The following ITGA6 variants were observed in gnomAD, a reference collection of about 807,000 sequenced individuals.
The protein encoded by ITGA6 is integrin subunit alpha 6.
A neutral mutation model predicts 133.6 loss-of-function variants in ITGA6; 63 were observed. The observed-to-expected ratio is 0.47, with a 90% confidence interval of 0.38 to 0.58. ITGA6 has a LOEUF of 0.58. Ranked by LOEUF, ITGA6 falls within the 20% of genes least tolerant of loss-of-function variation. The pLI, the probability that ITGA6 is intolerant of heterozygous loss-of-function variation, is 0.00. For missense variants in ITGA6, 1,068 were observed against 1,309.4 expected, an observed-to-expected ratio of 0.82 and a Z score of 2.85; for synonymous variants, 434 against 482.0, an observed-to-expected ratio of 0.90 and a Z score of 1.30.
chr2:172,465,781 C>A, intron 2 of ITGA6, 118 bp downstream of exon 2: 1 of 1,331,402 alleles, frequency 7.5e-7, no homozygotes, highest in Non-Finnish European at 1.1e-6. Flanking sequence ...TTAATTGCAT[C>A]AGACTTGACT....
At chr2:172,473,975 G>A (rs982234806) in intron 5 of ITGA6, 80 bp from the exon 6 acceptor site, 5 of 926,334 alleles carry the variant, frequency 5.4e-6, no homozygotes, top group African/African-American at 1.6e-5. Flanking sequence ...CAGAGGAAGA[G>A]GTAATGATGG....
At chr2:172,482,644 G>A (rs548885652) in intron 11 of ITGA6, among the ~76,000 whole-genome samples, 36 of 143,546 alleles carry the variant, frequency 2.5e-4, no homozygotes, top group African/African-American at 9.1e-4. Flanking sequence ...TGCTGTGAGG[G>A]GCACTCAGCG....
chr2:172,431,164 C>T (rs1217541846), intron 1 of ITGA6, among the ~76,000 whole-genome samples: 1 of 152,182 alleles, frequency 6.6e-6, no homozygotes, highest in Non-Finnish European at 1.5e-5. Flanking sequence ...TGACTTTTCT[C>T]AGACTTGTCA....
intron 24 of ITGA6, among the ~76,000 whole-genome samples, chr2:172,499,039 A>G (rs1687243228): frequency 6.6e-6 from 1 of 152,234 alleles, no homozygotes; most frequent in African/African-American, 2.4e-5. Flanking sequence ...TCCGGTCTGG[A>G]GGGTTCTGTA....
rs1231649938 is a variant in ITGA6 at position 172,474,173 on chromosome 2, T to C, written c.894T>C (p.Ser298=). 6 of 1,614,158 alleles carry C rather than the reference T, an allele frequency of 3.7e-6. No individual in the cohort carries two copies. Among genetic ancestry groups the C allele is most frequent in the Non-Finnish European group, 5.1e-6 (6 of 1,180,028 alleles). Residue 298 remains serine (S), a synonymous_variant, in exon 6 of 26, where the codon TCT becomes TCC. Transcript: ENST00000684293. ...AVVLLKRDMK[S]AHLLPEHIFD... ...TTTTGCTGAAGAGAGACATGAAGTCTGCACATCTCCTCCCTGAGCACATAT... is the reference window on the plus strand; with the variant it reads ...TTTTGCTGAAGAGAGACATGAAGTCCGCACATCTCCTCCCTGAGCACATAT...
At chr2:172,427,480 G>C (rs932446844), upstream of ITGA6, 6 of 1,081,216 alleles carry the variant, frequency 5.5e-6, no homozygotes, top group Non-Finnish European at 5.6e-6. Flanking sequence ...GGTAAGGTGC[G>C]GGCGGTGCGC....
At position 172,484,920 on chromosome 2, in the gene ITGA6, T is replaced by C. The variant is rs1420030612; in HGVS notation, c.1688T>C (p.Met563Thr). Residue 563 changes from methionine (M) to threonine (T), a missense_variant, in exon 12 of 26, where the codon ATG becomes ACG. This residue lies in a region of ITGA6 where 609 missense variants were observed against 707.2 expected (regional missense o/e 0.86). Coordinates refer to ENST00000684293, the MANE Select transcript of ITGA6 (RefSeq NM_000210.4). ...TLKRQKQKVC[M>T]EETLWLQDNI... The stretch of plus-strand genomic sequence containing the variant: ...AAGAGGCAGAAACAGAAAGTGTGCA[T>C]GGAGGAAACCCTGTGGCTACAGGTG... The C allele has an allele frequency of 4.3e-6, 7 of 1,614,032 alleles. No homozygotes were observed. The highest frequency in any genetic ancestry group is 3.3e-5 in the Admixed American group (2 of 59,998).
intron 5 of ITGA6, among the ~76,000 whole-genome samples, chr2:172,472,119 C>G (rs1327830109): frequency 6.6e-6 from 1 of 152,188 alleles, no homozygotes; most frequent in African/African-American, 2.4e-5. Context: ...GCCAGGAGTT[C>G]AAGACCAGCC....
intron 4 of ITGA6, among the ~76,000 whole-genome samples, chr2:172,469,810 T>C (rs896666845): frequency 3.9e-5 from 6 of 152,208 alleles, no homozygotes; most frequent in Non-Finnish European, 7.3e-5. Flanking sequence ...CATTTCTCTC[T>C]GTATATGTTA....
chr2:172,444,823 C>G (rs1044679488), intron 1 of ITGA6, among the ~76,000 whole-genome samples: 3 of 151,386 alleles, frequency 2.0e-5, no homozygotes, highest in Admixed American at 2.0e-4. Context: ...TGGATTGTAG[C>G]TCCCGTGCTA....
intron 1 of ITGA6, among the ~76,000 whole-genome samples, chr2:172,448,000 T>C (rs1048322542): frequency 1.1e-4 from 17 of 152,124 alleles, no homozygotes; most frequent in African/African-American, 3.6e-4. Flanking sequence ...AGTCTGGACT[T>C]AACTGAGTCA....
rs889352102 is a variant in ITGA6 at position 172,472,959 on chromosome 2, T to C, written c.776-1096T>C. The C allele has an allele frequency of 3.2e-6, 3 of 927,024 alleles. No homozygotes were observed. In the South Asian group the frequency reaches 4.0e-5, roughly 12 times the overall value. 57.4% of individuals were successfully genotyped at this position (927,024 alleles called of 1,614,324 possible). A position where few individuals can be genotyped will look rare whatever the true frequency, so the allele number is the denominator to read the frequency against. ...TCATTAAATTTTTTTTTTTGATCCA[T>C]ACAGAGCATAAATCTTTTTATGCCC... On this transcript the variant is annotated intron_variant, in intron 5 of 25. Coordinates refer to ENST00000684293, the MANE Select transcript of ITGA6 (RefSeq NM_000210.4).
intron 1 of ITGA6, among the ~76,000 whole-genome samples, chr2:172,443,164 T>G (rs1684612082): frequency 6.6e-6 from 1 of 152,076 alleles, no homozygotes. Context: ...TGTACATAGA[T>G]TTTTTTTACC....
chr2:172,489,499 T>C lies in ITGA6; in HGVS notation c.2520T>C (p.Gly840=). Residue 840 remains glycine, a synonymous_variant, in exon 20 of 26, where the codon GGT becomes GGC. Coordinates refer to ENST00000684293, the MANE Select transcript of ITGA6 (RefSeq NM_000210.4). The stretch of plus-strand genomic sequence containing the variant: ...TTTTCTAACAGGTAATAAACTTAGG[T>C]AAACCTCTTACAAACCTCGGCACAG... ...IEYEFRVINL[G]KPLTNLGTAT... The C allele has an allele frequency of 3.1e-6, 5 of 1,613,084 alleles. No homozygotes were observed. The highest frequency in any genetic ancestry group is 3.4e-6 in the Non-Finnish European group (4 of 1,179,046).
intron 8 of ITGA6, 128 bp from the exon 9 acceptor site, chr2:172,476,262 TATATA>T (rs1686169823): frequency 1.4e-5 from 10 of 711,520 alleles, no homozygotes; most frequent in Admixed American, 5.8e-5. Context: ...TTATGACTTG[TATATA>T]ATATAATTTA....
chr2:172,467,662 AACTT>A (rs1685739826), intron 3 of ITGA6, 102 bp downstream of exon 3: 2 of 904,752 alleles, frequency 2.2e-6, no homozygotes, highest in Non-Finnish European at 3.6e-6. Flanking sequence ...CATTCTAGCG[AACTT>A]ACTGCTTTAA....
intron 4 of ITGA6, 53 bp downstream of exon 4, chr2:172,469,433 T>TATGATTCAGTACC: frequency 6.9e-7 from 1 of 1,441,446 alleles, no homozygotes; most frequent in Non-Finnish European, 9.7e-7. Context: ...ATTTCTGTAA[T>TATGATTCAGTACC]ATGATTTAGT....
rs755564072 is a variant in ITGA6 at position 172,491,565 on chromosome 2, C to G, written c.2988+42C>G. 2.3e-6 allele frequency: 3 copies of G among 1,287,684 alleles called. No individual in the cohort carries two copies. The highest frequency in any genetic ancestry group is 4.6e-5 in the East Asian group (2 of 43,148). The allele number at this position is 1,287,684 out of a possible 1,614,324, so 79.8% of individuals were successfully genotyped here. On this transcript the variant is annotated intron_variant, in intron 23 of 25. Coordinates refer to ENST00000684293, the MANE Select transcript of ITGA6 (RefSeq NM_000210.4). The surrounding 1 kb of genome is among the most constrained non-coding windows in gnomAD (Gnocchi z 4.4). ...CTTCATTCAGGTTCAGAACATGTCT[C>G]TTTTCCCTGTACCCCACACTCATGT... is the stretch of plus-strand genomic sequence containing the variant.
At chr2:172,435,054 GTGTGTA>G (rs888460547) in intron 1 of ITGA6, among the ~76,000 whole-genome samples, 19 of 150,904 alleles carry the variant, frequency 1.3e-4, no homozygotes, top group East Asian at 7.9e-4. Flanking sequence ...GTGTGTGTGT[GTGTGTA>G]TGATGCAAAT....
Sources: gnomAD v4.1 joint callset for allele counts (sites outside exome capture counted in the v4.1 genomes callset) on GRCh38, gnomAD v4.1.1 for gene constraint, gnomAD v4.1.1 regional missense constraint, Gnocchi (gnomAD v3.1) non-coding constraint, MANE v1.5 for transcripts, NCBI Gene and HGNC (gene_info 2026-07-23, HGNC 2026-07-21) for gene names.